PDLIM5: variants seen among roughly 807,000 people sequenced by gnomAD.
PDLIM5 encodes the protein PDZ and LIM domain 5, also known as PDZ and LIM domain protein 5.
PDLIM5 carries 34 observed loss-of-function variants against 64.2 expected under a neutral mutation model. The observed-to-expected ratio is 0.53, with a 90% CI of 0.40 to 0.71. The LOEUF (loss-of-function observed/expected upper bound fraction) is 0.71. Ranked by LOEUF, PDLIM5 falls within the 30% of genes least tolerant of loss-of-function variation. The pLI, the probability that PDLIM5 is intolerant of heterozygous loss-of-function variation, is 0.00. For missense variants in PDLIM5, 683 were observed against 733.6 expected (o/e 0.93, Z 0.80); for synonymous variants, 253 against 269.1 (o/e 0.94, Z 0.59).
chr4:94,665,949 CTG>C lies in PDLIM5; in HGVS notation c.*1885_*1886del. On this transcript the variant is annotated 3_prime_UTR_variant, in exon 13 of 13. Transcript: ENST00000317968. ...AGACAGGGAAACAATTGTGGTAAAA[CTG>C]TGGATCCTGTTGCTATTTGCCCAGT... 6 of 1,521,110 alleles carry C rather than the reference CTG, an allele frequency of 3.9e-6. No homozygotes were observed. Among genetic ancestry groups the C allele is most frequent in the Non-Finnish European group, 5.3e-6 (6 of 1,139,796 alleles). 94.2% of individuals were successfully genotyped at this position (1,521,110 alleles called of 1,614,324 possible). A position where few individuals can be genotyped will look rare whatever the true frequency, so the allele number is the denominator to read the frequency against.
In PDLIM5 at chr4:94,583,299, A is replaced by G. The variant is rs1216362468; in HGVS notation, c.711-2266A>G. Among the ~76,000 whole-genome samples the G allele has an allele frequency of 2.0e-5, 3 of 152,110 alleles. No individual in the cohort carries two copies. In the East Asian group the frequency reaches 5.8e-4, roughly 29 times the overall value. Reference sequence around the variant, plus strand: ...AGTGTACTTTTTACAAGTGTGTCATAACTAAAAATACTACTTAGGTAGTGT... The same window carrying G: ...AGTGTACTTTTTACAAGTGTGTCATGACTAAAAATACTACTTAGGTAGTGT... On this transcript the variant is annotated intron_variant, in intron 5 of 12. Coordinates refer to ENST00000317968, the MANE Select transcript of PDLIM5 (RefSeq NM_006457.5).
chr4:94,638,022 G>A (rs1274464202), intron 8 of PDLIM5, among the ~76,000 whole-genome samples: 1 of 152,186 alleles, frequency 6.6e-6, no homozygotes, highest in African/African-American at 2.4e-5. Context: ...GCCGAGTTCT[G>A]TGCCTGCGTG....
At chr4:94,535,440 C>A (rs1275176974) in intron 3 of PDLIM5, among the ~76,000 whole-genome samples, 1 of 152,164 alleles carries the variant, frequency 6.6e-6, no homozygotes, top group Non-Finnish European at 1.5e-5. Flanking sequence ...AAACTAAGTT[C>A]TATGCCTTGT....
At chr4:94,555,899 T>A (rs1490337065) in intron 3 of PDLIM5, among the ~76,000 whole-genome samples, 1 of 151,132 alleles carries the variant, frequency 6.6e-6, no homozygotes, top group Non-Finnish European at 1.5e-5. Context: ...ATTTTTATTT[T>A]TATTTATATA....
intron 5 of PDLIM5, chr4:94,584,570 C>G (rs926934039): frequency 6.2e-6 from 1 of 162,482 alleles, no homozygotes; most frequent in Non-Finnish European, 1.3e-5. Context: ...CATACCTCTT[C>G]TTCACTATGC....
At chr4:94,529,367 G>A (rs996268614) in intron 3 of PDLIM5, among the ~76,000 whole-genome samples, 1 of 152,048 alleles carries the variant, frequency 6.6e-6, no homozygotes, top group Admixed American at 6.6e-5. Flanking sequence ...AGGAGAGAAC[G>A]AAACCCAGTT....
intron 2 of PDLIM5, among the ~76,000 whole-genome samples, chr4:94,489,325 A>G (rs899761487): frequency 1.3e-5 from 2 of 152,154 alleles, no homozygotes; most frequent in Admixed American, 6.6e-5. Flanking sequence ...CTTAGGTTAC[A>G]CAACATGCAG....
intron 2 of PDLIM5, among the ~76,000 whole-genome samples, chr4:94,499,438 C>T (rs1427819717): frequency 6.6e-6 from 1 of 152,022 alleles, no homozygotes; most frequent in African/African-American, 2.4e-5. Context: ...TCTATATTTG[C>T]AGGTTCTGCA....
chr4:94,487,298 T>G (rs1726436068), intron 2 of PDLIM5, among the ~76,000 whole-genome samples: 1 of 152,218 alleles, frequency 6.6e-6, no homozygotes, highest in Non-Finnish European at 1.5e-5. Context: ...TATATAGATT[T>G]TGTCAGTAGA....
At chr4:94,540,805 C>T (rs1465268162) in intron 3 of PDLIM5, among the ~76,000 whole-genome samples, 1 of 152,184 alleles carries the variant, frequency 6.6e-6, no homozygotes, top group Non-Finnish European at 1.5e-5. Context: ...CCATTAGCAA[C>T]ACAAATATAC....
At chr4:94,557,108 T>G (rs1488206005) in intron 3 of PDLIM5, among the ~76,000 whole-genome samples, 1 of 152,232 alleles carries the variant, frequency 6.6e-6, no homozygotes. Flanking sequence ...GGATCCAGTT[T>G]CAGCTTTCTC....
intron 5 of PDLIM5, chr4:94,582,547 C>T (rs2110303310): frequency 3.7e-6 from 2 of 540,428 alleles, no homozygotes; most frequent in South Asian, 2.9e-5. Flanking sequence ...TATTTTGAAG[C>T]ATGATGTTTG....
chr4:94,641,463 A>G (rs1437007118), intron 9 of PDLIM5, among the ~76,000 whole-genome samples: 12 of 152,222 alleles, frequency 7.9e-5, no homozygotes, highest in Admixed American at 7.9e-4. Flanking sequence ...CATAGCACAC[A>G]GTATGCCATT....
chr4:94,567,497 A>G (rs1734440894), intron 3 of PDLIM5, among the ~76,000 whole-genome samples: 2 of 133,220 alleles, frequency 1.5e-5, no homozygotes, highest in African/African-American at 6.4e-5. Flanking sequence ...ATGCAATTCT[A>G]GTACAGATTG....
At position 94,664,249 on chromosome 4, in the gene PDLIM5, C is replaced by A. The variant is rs114319350; in HGVS notation, c.*182C>A. ...TATTTGGCTTCATAAAGTAAAGAGACGGTTTGGCATTTATTATTACTTTTT... is the reference window on the plus strand; with the variant it reads ...TATTTGGCTTCATAAAGTAAAGAGAAGGTTTGGCATTTATTATTACTTTTT... On this transcript the variant is annotated 3_prime_UTR_variant, in exon 13 of 13. Coordinates refer to ENST00000317968, the MANE Select transcript of PDLIM5 (RefSeq NM_006457.5). 230 of 1,099,436 alleles carry A rather than the reference C, an allele frequency of 2.1e-4. 1 individual carries two copies. In the African/African-American group the frequency reaches 3.4e-3, roughly 16 times the overall value. 68.1% of individuals were successfully genotyped at this position (1,099,436 alleles called of 1,614,324 possible). A position where few individuals can be genotyped will look rare whatever the true frequency, so the allele number is the denominator to read the frequency against.
rs1031456473 is a variant in PDLIM5 at position 94,665,029 on chromosome 4, A to T, written c.*962A>T. ...CCAAAAATAAGCTACCATATAGCTT[A>T]TAAGTCTCAAATTTTTGCCTTTTAC... On this transcript the variant is annotated 3_prime_UTR_variant, in exon 13 of 13. Transcript: ENST00000317968. The T allele has an allele frequency of 1.0e-6, 1 of 982,596 alleles. No homozygotes were observed. The highest frequency in any genetic ancestry group is 4.7e-5 in the South Asian group (1 of 21,248). 60.9% of individuals were successfully genotyped at this position (982,596 alleles called of 1,614,324 possible).
At chr4:94,616,972 G>A (rs1034132328) in intron 7 of PDLIM5, among the ~76,000 whole-genome samples, 15 of 152,346 alleles carry the variant, frequency 9.8e-5, no homozygotes, top group Middle Eastern at 3.4e-3. Context: ...GGAAAAAGGT[G>A]CATGGGACCA....
chr4:94,594,631 C>T (rs1736922979), intron 7 of PDLIM5, among the ~76,000 whole-genome samples: 1 of 151,790 alleles, frequency 6.6e-6, no homozygotes, highest in Non-Finnish European at 1.5e-5. Context: ...GCCAAAAAAT[C>T]ATATTGTCAA....
intron 2 of PDLIM5, among the ~76,000 whole-genome samples, chr4:94,481,709 C>T (rs188516786): frequency 8.1e-4 from 123 of 151,772 alleles, no homozygotes; most frequent in African/African-American, 2.4e-3. Context: ...CCTGGGTTCA[C>T]GCCATTCTTC....
Sources: allele counts gnomAD v4.1 joint callset (sites outside exome capture counted in the v4.1 genomes callset), GRCh38; gene constraint gnomAD v4.1.1; transcripts MANE v1.5; gene names NCBI Gene and HGNC (gene_info 2026-07-23, HGNC 2026-07-21).